GABRG3: variants seen among roughly 807,000 people sequenced by gnomAD.
GABRG3 encodes the protein gamma-aminobutyric acid type A receptor subunit gamma3.
In GABRG3, 25 loss-of-function variants were observed where a neutral mutation model predicts 48.8. The observed-to-expected ratio is 0.51, with a 90% CI of 0.37 to 0.72. The LOEUF (loss-of-function observed/expected upper bound fraction) is 0.72. Ranked by LOEUF, GABRG3 falls within the 30% of genes least tolerant of loss-of-function variation. The probability of loss-of-function intolerance (pLI) is 0.00; values close to 1 mark genes in which losing one functional copy is unlikely to be tolerated. For missense variants in GABRG3, 394 were observed against 577.9 expected (o/e 0.68, Z 3.26); for synonymous variants, 227 against 217.6 (o/e 1.04, Z -0.38).
At chr15:27,360,806 C>T (rs1894996978) in intron 5 of GABRG3, among the ~76,000 whole-genome samples, 1 of 152,216 alleles carries the variant, frequency 6.6e-6, no homozygotes, top group African/African-American at 2.4e-5. Flanking sequence ...CTGCCTCAGG[C>T]AGGTTCCCAG....
At chr15:27,309,137 A>G (rs1016127308) in intron 3 of GABRG3, among the ~76,000 whole-genome samples, 11 of 116,790 alleles carry the variant, frequency 9.4e-5, no homozygotes, top group Non-Finnish European at 1.6e-4. Flanking sequence ...GTAAACATAG[A>G]TGTTTATATA....
chr15:27,185,737 ATTG>A (rs1384843772), intron 3 of GABRG3, among the ~76,000 whole-genome samples: 1 of 151,726 alleles, frequency 6.6e-6, no homozygotes, highest in Non-Finnish European at 1.5e-5. Context: ...CATATTTGAG[ATTG>A]TTATGTCTTC....
At chr15:27,498,303 TC>T (rs1441117310) in intron 6 of GABRG3, among the ~76,000 whole-genome samples, 1 of 152,144 alleles carries the variant, frequency 6.6e-6, no homozygotes, top group African/African-American at 2.4e-5. Context: ...TAGTCTGGCT[TC>T]TCGGGAGAAG....
intron 5 of GABRG3, among the ~76,000 whole-genome samples, chr15:27,475,878 A>G (rs1477454748): frequency 1.3e-5 from 2 of 151,834 alleles, no homozygotes; most frequent in East Asian, 3.9e-4. Flanking sequence ...GGTGGTGATA[A>G]TGTTAATAGT....
intron 3 of GABRG3, among the ~76,000 whole-genome samples, chr15:27,237,844 G>C (rs1265867304): frequency 6.6e-6 from 1 of 152,152 alleles, no homozygotes; most frequent in Non-Finnish European, 1.5e-5. Context: ...TTTACAGCCA[G>C]GCAGGAAGCA....
At chr15:27,384,949 TTAGA>T (rs1895877769) in intron 5 of GABRG3, among the ~76,000 whole-genome samples, 1 of 152,188 alleles carries the variant, frequency 6.6e-6, no homozygotes, top group African/African-American at 2.4e-5. Flanking sequence ...TGCACATATC[TTAGA>T]TATTCAGTTG....
chr15:27,053,359 A>C lies in GABRG3; in HGVS notation c.270+26538A>C, dbSNP rs576298296. 2.2e-3 allele frequency among the ~76,000 whole-genome samples: 332 copies of C among 152,362 alleles called. 2 individuals are homozygous for C. Among genetic ancestry groups the C allele is most frequent in the African/African-American group, 7.7e-3 (319 of 41,586 alleles). ...GGACAGATACTTCTCAAAAGAAGAC[A>C]TACAAGTGACCAACAAATGAAAAAA... On this transcript the variant is annotated intron_variant, in intron 3 of 9. Transcript: ENST00000615808.
At chr15:27,020,566 C>G (rs1482917291) in intron 2 of GABRG3, among the ~76,000 whole-genome samples, 1 of 139,532 alleles carries the variant, frequency 7.2e-6, no homozygotes, top group Non-Finnish European at 1.6e-5. Context: ...CGCCCGCCAC[C>G]ACGCCCGGCT....
chr15:27,296,336 T>C (rs987140357), intron 3 of GABRG3, among the ~76,000 whole-genome samples: 1 of 152,188 alleles, frequency 6.6e-6, no homozygotes, highest in Non-Finnish European at 1.5e-5. Context: ...GTTATGGTTA[T>C]AACATATAGA....
intron 3 of GABRG3, among the ~76,000 whole-genome samples, chr15:27,316,951 C>T (rs776692622): frequency 1.3e-5 from 2 of 152,152 alleles, no homozygotes; most frequent in African/African-American, 2.4e-5. Flanking sequence ...TGTGAGGTCA[C>T]GAAGTACTGT....
chr15:27,308,304 A>T, intron 3 of GABRG3, among the ~76,000 whole-genome samples: 1 of 121,498 alleles, frequency 8.2e-6, no homozygotes, highest in East Asian at 2.5e-4. Flanking sequence ...TAAACATCAT[A>T]TAAACATATA....
Position 27,423,625 on chromosome 15 carries a change from A to G in GABRG3, c.575-57025A>G, listed in dbSNP as rs570318418. Among the ~76,000 whole-genome samples the G allele has an allele frequency of 1.4e-4, 21 of 150,086 alleles. No homozygotes were observed. The East Asian group carries it at 2.5e-3, about 18-fold the overall frequency. On this transcript the variant is annotated intron_variant, in intron 5 of 9. Transcript: ENST00000615808. ...CAGTGGCACAATCACGAAACACTGC[A>G]GCCTTGACCTCCTGAGTTCAAATGA...
At chr15:27,347,534 CT>C (rs1488270064) in intron 5 of GABRG3, among the ~76,000 whole-genome samples, 1 of 152,184 alleles carries the variant, frequency 6.6e-6, no homozygotes, top group Non-Finnish European at 1.5e-5. Flanking sequence ...GGATAAGGCT[CT>C]GGTAAGATCT....
At chr15:27,168,950 G>A (rs1342719945) in intron 3 of GABRG3, among the ~76,000 whole-genome samples, 2 of 152,242 alleles carry the variant, frequency 1.3e-5, no homozygotes, top group Non-Finnish European at 2.9e-5. Flanking sequence ...GTGCAGCCAT[G>A]ACCTAATGTG....
At chr15:27,308,816 A>G (rs1892872510) in intron 3 of GABRG3, among the ~76,000 whole-genome samples, 1 of 149,182 alleles carries the variant, frequency 6.7e-6, no homozygotes, top group Non-Finnish European at 1.5e-5. Flanking sequence ...AAAAACACAT[A>G]TAGTGTAAAC....
intron 5 of GABRG3, among the ~76,000 whole-genome samples, chr15:27,372,366 T>G (rs554426595): frequency 1.3e-5 from 2 of 152,282 alleles, no homozygotes; most frequent in African/African-American, 4.8e-5. Context: ...ACTTTGATTT[T>G]CATTTAAACT....
intron 6 of GABRG3, among the ~76,000 whole-genome samples, chr15:27,500,403 G>T (rs963111707): frequency 5.9e-5 from 9 of 151,856 alleles, no homozygotes; most frequent in Non-Finnish European, 1.2e-4. Context: ...TGTCAGCTAC[G>T]TTTCCCACCG....
chr15:27,059,885 T>C (rs1426641918), intron 3 of GABRG3, among the ~76,000 whole-genome samples: 1 of 152,220 alleles, frequency 6.6e-6, no homozygotes, highest in Non-Finnish European at 1.5e-5. Flanking sequence ...TATTCTATTG[T>C]AGCAAAAGGT....
intron 3 of GABRG3, among the ~76,000 whole-genome samples, chr15:27,155,846 C>T (rs183225110): frequency 8.5e-5 from 13 of 152,216 alleles, no homozygotes; most frequent in East Asian, 1.9e-4. Flanking sequence ...CTGTCTCCCT[C>T]GTCAGCACTC....
Sources: gnomAD v4.1 joint callset for allele counts (sites outside exome capture counted in the v4.1 genomes callset) on GRCh38, gnomAD v4.1.1 for gene constraint, MANE v1.5 for transcripts, NCBI Gene and HGNC (gene_info 2026-07-23, HGNC 2026-07-21) for gene names.